The following NCAM1 variants were observed in gnomAD, a reference collection of about 807,000 sequenced individuals.
NCAM1 encodes the protein neural cell adhesion molecule 1.
NCAM1 carries 14 observed loss-of-function variants against 109.8 expected under a neutral mutation model. That is an observed-to-expected ratio of 0.13 (90% CI 0.08 to 0.20). The LOEUF (loss-of-function observed/expected upper bound fraction) is 0.20, where lower values mean the gene tolerates loss of function less well. NCAM1 is among the 10% of genes least tolerant of loss of function. NCAM1 has a pLI of 1.00. For synonymous variants in NCAM1, 418 were observed against 442.9 expected (o/e 0.94, Z 0.70); for missense variants, 774 against 1,109.9 (o/e 0.70, Z 4.30).
At chr11:112,989,670 A>G (rs1181390768) in intron 1 of NCAM1, among the ~76,000 whole-genome samples, 1 of 152,152 alleles carries the variant, frequency 6.6e-6, no homozygotes, top group African/African-American at 2.4e-5. Flanking sequence ...TGGTGGCGTC[A>G]TAATTGCCTG....
At chr11:113,006,365 T>C (rs1412211837) in intron 1 of NCAM1, among the ~76,000 whole-genome samples, 1 of 152,188 alleles carries the variant, frequency 6.6e-6, no homozygotes, top group Admixed American at 6.5e-5. Flanking sequence ...GACAATGAAT[T>C]CCATGTCTCA....
At chr11:113,220,763 C>A (rs1044233937) in intron 8 of NCAM1, among the ~76,000 whole-genome samples, 3 of 151,818 alleles carry the variant, frequency 2.0e-5, no homozygotes, top group Non-Finnish European at 4.4e-5. Flanking sequence ...CCTGCCACCA[C>A]GCCCAGCTAA....
chr11:113,198,148 T>C (rs1027673999), intron 1 of NCAM1, among the ~76,000 whole-genome samples: 3 of 152,150 alleles, frequency 2.0e-5, no homozygotes, highest in African/African-American at 7.2e-5. Context: ...AAGACAGAAC[T>C]TTTTTTCTGT....
intron 1 of NCAM1, among the ~76,000 whole-genome samples, chr11:113,052,657 A>T (rs782248965): frequency 1.2e-4 from 18 of 152,168 alleles, no homozygotes; most frequent in Non-Finnish European, 2.5e-4. Flanking sequence ...GTGTAAAAAA[A>T]ATTTTGTGAA....
chr11:113,186,322 T>C (rs1360956816), intron 1 of NCAM1, among the ~76,000 whole-genome samples: 1 of 152,140 alleles, frequency 6.6e-6, no homozygotes, highest in Non-Finnish European at 1.5e-5. Context: ...ATGCTGCTTA[T>C]GAAAATCTAA....
At chr11:113,055,518 G>T (rs749255375) in intron 1 of NCAM1, among the ~76,000 whole-genome samples, 6 of 152,158 alleles carry the variant, frequency 3.9e-5, no homozygotes, top group Non-Finnish European at 7.3e-5. Context: ...GGTAATATTT[G>T]CACAGAAACA....
intron 1 of NCAM1, among the ~76,000 whole-genome samples, chr11:113,048,900 AT>A (rs782625709): frequency 1.3e-5 from 2 of 152,158 alleles, no homozygotes; most frequent in Non-Finnish European, 2.9e-5. Flanking sequence ...TTGGTTTACA[AT>A]CCTTCAGTAT....
At position 113,221,278 on chromosome 11, in the gene NCAM1, A is replaced by G. The variant is rs1453670368; in HGVS notation, c.1060-18A>G. ...TTTTACTGCTTTCTTGTTGTGTTTT[A>G]TATCTTGTTTTCTCCAGGCTTCGTG... On this transcript the variant is annotated intron_variant, in intron 8 of 19. Coordinates refer to ENST00000316851, the MANE Select transcript of NCAM1 (RefSeq NM_181351.5). 1.9e-6 allele frequency: 3 copies of G among 1,556,994 alleles called. No individual in the cohort carries two copies. The highest frequency in any genetic ancestry group is 2.7e-5 in the African/African-American group (2 of 73,540).
chr11:113,051,064 G>T (rs922521275), intron 1 of NCAM1, among the ~76,000 whole-genome samples: 1 of 152,104 alleles, frequency 6.6e-6, no homozygotes, highest in Non-Finnish European at 1.5e-5. Context: ...CTAGCTTTGG[G>T]GTCCTTTTGA....
At chr11:113,037,433 A>C (rs1952926960) in intron 1 of NCAM1, among the ~76,000 whole-genome samples, 1 of 152,114 alleles carries the variant, frequency 6.6e-6, no homozygotes, top group Non-Finnish European at 1.5e-5. Context: ...CCTTGATAAC[A>C]GTAATAAAAT....
At chr11:113,161,945 T>C (rs1555104460) in intron 1 of NCAM1, among the ~76,000 whole-genome samples, 1 of 152,178 alleles carries the variant, frequency 6.6e-6, no homozygotes, top group Non-Finnish European at 1.5e-5. Flanking sequence ...AACCTTGGCT[T>C]GGATCGCTTC....
At chr11:113,033,713 C>G (rs1260317097) in intron 1 of NCAM1, among the ~76,000 whole-genome samples, 4 of 152,164 alleles carry the variant, frequency 2.6e-5, no homozygotes, top group African/African-American at 9.7e-5. Context: ...CACTTTCATT[C>G]TCCTGCTTGT....
At chr11:113,179,783 T>A (rs1459659393) in intron 1 of NCAM1, among the ~76,000 whole-genome samples, 3 of 152,228 alleles carry the variant, frequency 2.0e-5, no homozygotes, top group African/African-American at 7.2e-5. Context: ...CTCCTTAGCA[T>A]GAAATACCAA....
chr11:113,070,733 G>A (rs1318255852), intron 1 of NCAM1, among the ~76,000 whole-genome samples: 1 of 152,156 alleles, frequency 6.6e-6, no homozygotes, highest in Non-Finnish European at 1.5e-5. Context: ...TGAGAAAATA[G>A]ATTCCTCAGT....
chr11:113,113,384 C>T (rs1238272300), intron 1 of NCAM1, among the ~76,000 whole-genome samples: 6 of 152,192 alleles, frequency 3.9e-5, no homozygotes, highest in African/African-American at 1.4e-4. Flanking sequence ...AAGCAATGTC[C>T]TGCCCTATAG....
intron 1 of NCAM1, 44 bp from the exon 2 acceptor site, chr11:113,202,335 T>A (rs1240952723): frequency 6.6e-7 from 1 of 1,515,038 alleles, no homozygotes; most frequent in Non-Finnish European, 8.9e-7. Context: ...TTTGTGGGTT[T>A]TTTTTTGTTT....
chr11:112,980,164 G>A (rs545707350), intron 1 of NCAM1, among the ~76,000 whole-genome samples: 26 of 151,738 alleles, frequency 1.7e-4, no homozygotes, highest in Non-Finnish European at 3.8e-4. Flanking sequence ...CACCCGCTAG[G>A]ATGGCTAGAA....
At position 113,264,275 on chromosome 11, in the gene NCAM1, A is replaced by G. The variant is rs544911227; in HGVS notation, c.2131+3952A>G. 19 of 985,328 alleles carry G rather than the reference A, an allele frequency of 1.9e-5. No homozygotes were observed. In the East Asian group the frequency reaches 1.7e-3, roughly 88 times the overall value. 61.0% of individuals were successfully genotyped at this position (985,328 alleles called of 1,614,324 possible). A position where few individuals can be genotyped will look rare whatever the true frequency, so the allele number is the denominator to read the frequency against. On this transcript the variant is annotated intron_variant, in intron 17 of 19. Transcript: ENST00000316851. ...TGTTATTATTTTTTAATGTTCAAAG[A>G]CTAGCCTTTCCCTTTGGGATTCCAA...
At chr11:112,991,210 G>A (rs576962714) in intron 1 of NCAM1, among the ~76,000 whole-genome samples, 5 of 152,210 alleles carry the variant, frequency 3.3e-5, no homozygotes, top group African/African-American at 9.6e-5. Context: ...CAGTAAGTTC[G>A]ATTAATGAGC....
Sources: allele counts gnomAD v4.1 joint callset (sites outside exome capture counted in the v4.1 genomes callset), GRCh38; gene constraint gnomAD v4.1.1; transcripts MANE v1.5; gene names NCBI Gene and HGNC (gene_info 2026-07-23, HGNC 2026-07-21).